GRXCR1: variants seen among roughly 807,000 people sequenced by gnomAD.
GRXCR1 encodes the protein glutaredoxin and cysteine rich domain containing 1, also known as glutaredoxin domain-containing cysteine-rich protein 1.
GRXCR1 carries 27 observed loss-of-function variants against 27.3 expected under a neutral mutation model. The ratio of observed to expected loss-of-function variants is 0.99; its 90% CI spans 0.73 to 1.37. GRXCR1 has a LOEUF of 1.37. Ranked by LOEUF, GRXCR1 falls within the 40% of genes most tolerant of loss-of-function variation. The pLI, the probability that GRXCR1 is intolerant of heterozygous loss-of-function variation, is 0.00. For missense variants in GRXCR1, 379 were observed against 354.4 expected (o/e 1.07, Z -0.56); for synonymous variants, 122 against 131.1 (o/e 0.93, Z 0.47).
intron 3 of GRXCR1, among the ~76,000 whole-genome samples, chr4:43,021,800 A>G (rs990114032): frequency 2.6e-5 from 4 of 152,216 alleles, no homozygotes; most frequent in African/African-American, 4.8e-5. Flanking sequence ...CATGCGATAC[A>G]TACAGAGAGT....
chr4:42,934,001 C>G (rs1032227197), intron 1 of GRXCR1, among the ~76,000 whole-genome samples: 1 of 151,842 alleles, frequency 6.6e-6, no homozygotes, highest in African/African-American at 2.4e-5. Flanking sequence ...GAACCTGGAG[C>G]AGGAGAAAAC....
chr4:42,967,627 A>G (rs1032127537), intron 2 of GRXCR1, among the ~76,000 whole-genome samples: 1 of 151,824 alleles, frequency 6.6e-6, no homozygotes, highest in Non-Finnish European at 1.5e-5. Flanking sequence ...ATGTTTTTCT[A>G]TTTTTATGCC....
chr4:42,916,644 A>G (rs1345353762), intron 1 of GRXCR1, among the ~76,000 whole-genome samples: 1 of 152,044 alleles, frequency 6.6e-6, no homozygotes, highest in African/African-American at 2.4e-5. Flanking sequence ...AAGGCGCACA[A>G]TTTCCGTTCA....
chr4:43,026,024 A>T lies in GRXCR1; in HGVS notation c.694-4337A>T, dbSNP rs561066961. ...GTCAGTATTTTTACTAATAGTTACT[A>T]ATAGTAATGAAGCCTGTTTTGTTAC... On this transcript the variant is annotated intron_variant, in intron 3 of 3. Coordinates refer to ENST00000399770, the MANE Select transcript of GRXCR1 (RefSeq NM_001080476.3). Among the ~76,000 whole-genome samples, 4 of 148,550 alleles carry T rather than the reference A, an allele frequency of 2.7e-5. No individual in the cohort carries two copies. The Middle Eastern group carries it at 0.01, about 382-fold the overall frequency.
chr4:42,910,393 C>T (rs149471827), intron 1 of GRXCR1, among the ~76,000 whole-genome samples: 116 of 152,296 alleles, frequency 7.6e-4, no homozygotes, highest in Middle Eastern at 6.8e-3. Flanking sequence ...TCAGAATCTA[C>T]ACCACCCAGC....
intron 2 of GRXCR1, among the ~76,000 whole-genome samples, chr4:43,019,928 TGCATG>T (rs1315853184): frequency 6.6e-6 from 1 of 152,196 alleles, no homozygotes; most frequent in Admixed American, 6.5e-5. Flanking sequence ...TATCTTTACA[TGCATG>T]GCTGTTAAGG....
At chr4:42,899,225 G>A (rs752055061) in intron 1 of GRXCR1, among the ~76,000 whole-genome samples, 6 of 152,098 alleles carry the variant, frequency 3.9e-5, no homozygotes, top group Non-Finnish European at 8.8e-5. Context: ...TTTGCATGGC[G>A]AAGTGTTGCT....
At chr4:42,949,210 A>AC (rs1491211743) in intron 1 of GRXCR1, among the ~76,000 whole-genome samples, 17 of 149,956 alleles carry the variant, frequency 1.1e-4, no homozygotes, top group East Asian at 2.0e-4. Flanking sequence ...ACACACACAC[A>AC]AAAAAAAAGC....
chr4:42,962,816 T>G, intron 1 of GRXCR1, 76 bp from the exon 2 acceptor site: 1 of 1,565,994 alleles, frequency 6.4e-7, no homozygotes, highest in Non-Finnish European at 8.8e-7. Context: ...TTTAACGCAA[T>G]TTTTAATTGT....
At chr4:42,943,166 T>C (rs1475457385) in intron 1 of GRXCR1, among the ~76,000 whole-genome samples, 1 of 152,128 alleles carries the variant, frequency 6.6e-6, no homozygotes, top group African/African-American at 2.4e-5. Context: ...CTTCCACCTT[T>C]CTAAAAAATA....
At chr4:42,992,355 A>G (rs1243527505) in intron 2 of GRXCR1, among the ~76,000 whole-genome samples, 2 of 152,146 alleles carry the variant, frequency 1.3e-5, no homozygotes, top group Non-Finnish European at 2.9e-5. Context: ...ATCATTTTGT[A>G]TTAATGCCAC....
intron 1 of GRXCR1, among the ~76,000 whole-genome samples, chr4:42,921,323 T>C (rs1444558329): frequency 6.6e-6 from 1 of 152,076 alleles, no homozygotes; most frequent in Non-Finnish European, 1.5e-5. Flanking sequence ...ATTACTGTTA[T>C]TTATAAGCCA....
At chr4:42,907,892 G>C (rs1011301605) in intron 1 of GRXCR1, among the ~76,000 whole-genome samples, 2 of 152,158 alleles carry the variant, frequency 1.3e-5, no homozygotes, top group Non-Finnish European at 2.9e-5. Flanking sequence ...TCCTCCATGT[G>C]AGTGACTGGG....
At chr4:42,990,601 C>T (rs966097061) in intron 2 of GRXCR1, among the ~76,000 whole-genome samples, 2 of 151,932 alleles carry the variant, frequency 1.3e-5, no homozygotes, top group African/African-American at 4.8e-5. Flanking sequence ...TAAGTTTTCC[C>T]TCATTGACCT....
chr4:42,959,957 C>T lies in GRXCR1; in HGVS notation c.385-2935C>T, dbSNP rs377694737. Among the ~76,000 whole-genome samples the T allele has an allele frequency of 4.4e-4, 67 of 152,028 alleles. 2 individuals are homozygous for T. In the South Asian group the frequency reaches 1.0e-2, roughly 23 times the overall value. On this transcript the variant is annotated intron_variant, in intron 1 of 3. Transcript: ENST00000399770. ...ATTCTTGAGATCCACTGATTCCAGGCAAAGCTCATCCTCAACAACAGGTAA... is the reference window on the plus strand; with the variant it reads ...ATTCTTGAGATCCACTGATTCCAGGTAAAGCTCATCCTCAACAACAGGTAA...
chr4:43,019,861 A>T (rs985441310), intron 2 of GRXCR1, among the ~76,000 whole-genome samples: 3 of 152,162 alleles, frequency 2.0e-5, no homozygotes, highest in Non-Finnish European at 4.4e-5. Flanking sequence ...CAAACTCAAA[A>T]TATCTGCTTA....
At chr4:42,988,410 T>C (rs1224906483) in intron 2 of GRXCR1, among the ~76,000 whole-genome samples, 2 of 152,176 alleles carry the variant, frequency 1.3e-5, no homozygotes, top group Non-Finnish European at 2.9e-5. Context: ...CAGCTTACTC[T>C]TTCTGTTGGG....
intron 3 of GRXCR1, among the ~76,000 whole-genome samples, chr4:43,023,701 A>G (rs10007649): frequency 0.064 from 9,751 of 152,202 alleles, 966 homozygotes; most frequent in African/African-American, 0.22. Context: ...ATTTACTTCT[A>G]GTGCCTAGAA....
At chr4:42,998,242 A>G (rs1380216469) in intron 2 of GRXCR1, among the ~76,000 whole-genome samples, 1 of 152,186 alleles carries the variant, frequency 6.6e-6, no homozygotes, top group Non-Finnish European at 1.5e-5. Flanking sequence ...TGCTCTGTTG[A>G]AAAACATCAG....
Sources: gnomAD v4.1 joint callset for allele counts (sites outside exome capture counted in the v4.1 genomes callset) on GRCh38, gnomAD v4.1.1 for gene constraint, MANE v1.5 for transcripts, NCBI Gene and HGNC (gene_info 2026-07-23, HGNC 2026-07-21) for gene names.